RBM5: variants seen among roughly 807,000 people sequenced by gnomAD.
RBM5 encodes RNA binding motif protein 5.
RBM5 carries 15 observed loss-of-function variants against 124.6 expected under a neutral mutation model. That is an observed-to-expected ratio of 0.12 (90% CI 0.08 to 0.19). The LOEUF is 0.19. Among genes scored for constraint, RBM5 ranks in the 10% least tolerant of loss-of-function variants. RBM5 has a pLI of 1.00. For missense variants in RBM5, 580 were observed against 1,026.5 expected (o/e 0.57, Z 5.94); for synonymous variants, 337 against 361.2 (o/e 0.93, Z 0.76).
At chr3:50,108,832 T>C (rs2091088284) in intron 14 of RBM5, among the ~76,000 whole-genome samples, 1 of 152,214 alleles carries the variant, frequency 6.6e-6, no homozygotes, top group South Asian at 2.1e-4. Flanking sequence ...GACCATGTTG[T>C]GATGAGTTTA....
intron 9 of RBM5, 58 bp downstream of exon 9, chr3:50,105,200 A>G (rs897143542): frequency 3.6e-5 from 50 of 1,387,032 alleles, no homozygotes; most frequent in Non-Finnish European, 4.7e-5. Context: ...AGTTGTCAGG[A>G]GATGGAGACC....
chr3:50,109,501 A>C, intron 14 of RBM5, 102 bp from the exon 15 acceptor site: 1 of 896,240 alleles, frequency 1.1e-6, no homozygotes, highest in Non-Finnish European at 1.9e-6. Flanking sequence ...AAGAACTGAC[A>C]TATACAATGA....
chr3:50,097,129 C>T (rs2090832685), intron 4 of RBM5, among the ~76,000 whole-genome samples: 1 of 152,156 alleles, frequency 6.6e-6, no homozygotes. Context: ...GGTGCGGTGG[C>T]TCACGCCTGT....
Position 50,105,643 on chromosome 3 carries a change from C to T in RBM5, c.789C>T (p.Arg263=). ...CGTCTTTAGCTGTCAATAACATCCG[C>T]CTCATAAAAGACAAACAGACCCAGC... The part of the protein sequence containing the change: ...PYASLAVNNI[R]LIKDKQTQQN... The change falls in exon 10 of 25, where the codon CGC becomes CGT. Residue 263 remains arginine (R), a synonymous_variant. Coordinates refer to ENST00000347869, the MANE Select transcript of RBM5 (RefSeq NM_005778.4). The T allele has an allele frequency of 6.2e-7, 1 of 1,614,186 alleles. No individual in the cohort carries two copies. The highest frequency in any genetic ancestry group is 8.5e-7 in the Non-Finnish European group (1 of 1,180,028).
chr3:50,115,164 T>C (rs1373167056), intron 20 of RBM5: 1 of 381,526 alleles, frequency 2.6e-6, no homozygotes, highest in East Asian at 6.7e-5. Context: ...CGAGACTCCT[T>C]CTCCAAAGAA....
intron 16 of RBM5, 44 bp downstream of exon 16, chr3:50,110,507 G>A (rs751449264): frequency 6.4e-7 from 1 of 1,573,060 alleles, no homozygotes; most frequent in South Asian, 1.1e-5. Flanking sequence ...GAAGGTCTTA[G>A]TTGTTGTCTT....
chr3:50,099,253 C>CT (rs2090889666), intron 4 of RBM5, among the ~76,000 whole-genome samples: 1 of 134,788 alleles, frequency 7.4e-6, no homozygotes, highest in South Asian at 2.9e-4. Context: ...TAGGCCCTGT[C>CT]TCAAAAAAAA....
Position 50,117,144 on chromosome 3 carries a change from G to C in RBM5, c.2165G>C (p.Arg722Pro). The C allele has an allele frequency of 6.2e-7, 1 of 1,614,164 alleles. No homozygotes were observed. The highest frequency in any genetic ancestry group is 8.5e-7 in the Non-Finnish European group (1 of 1,180,030). The part of the protein sequence containing the change: ...YGIPEPPEPK[R>P]KKQFDAGTVN... ...ATTCCAGAACCTCCAGAGCCCAAGC[G>C]CAAGAAGCAGTTTGATGCCGGCACT... The change falls in exon 23 of 25, where the codon CGC becomes CCC. Residue 722 changes from arginine to proline, a missense_variant. Physicochemically the swap from Arg to Pro is moderately radical, Grantham distance 103. Around this residue, in one of 6 missense-constraint regions of RBM5, gnomAD observed 234 missense variants for 435.1 expected, o/e 0.54. Transcript: ENST00000347869. This position sits in a 1 kb window ranked among gnomAD's most constrained non-coding sequence, Gnocchi z 4.2.
chr3:50,106,285 C>A (rs981478544), intron 10 of RBM5, among the ~76,000 whole-genome samples: 1 of 151,852 alleles, frequency 6.6e-6, no homozygotes, highest in East Asian at 1.9e-4. Flanking sequence ...GGATTACAGG[C>A]GCTCACCACC....
At chr3:50,106,207 C>T (rs1384548310) in intron 10 of RBM5, among the ~76,000 whole-genome samples, 2 of 131,406 alleles carry the variant, frequency 1.5e-5, no homozygotes, top group Non-Finnish European at 3.1e-5. Flanking sequence ...GGTGTGATCT[C>T]GGCTCACTGC....
intron 8 of RBM5, 119 bp downstream of exon 8, chr3:50,104,427 C>A: frequency 2.1e-6 from 2 of 962,324 alleles, no homozygotes; most frequent in South Asian, 1.4e-5. Context: ...CACTTGAGGA[C>A]AGGAGTTCAA....
At chr3:50,115,718 T>C (rs2091236914) in intron 21 of RBM5, 111 bp downstream of exon 21, 2 of 1,334,274 alleles carry the variant, frequency 1.5e-6, no homozygotes, top group Non-Finnish European at 2.1e-6. Flanking sequence ...ATGATGGCCT[T>C]ACAGAAAGCT....
rs571044232 is a variant in RBM5, at chr3:50,091,960, GT to G, written c.18-82del. Reference sequence around the variant, plus strand: ...TTTGGATTATCTTATAAACTGATCTGTGGGCCGTGTGTATTTTTAACTATGT... The same window carrying G: ...TTTGGATTATCTTATAAACTGATCTGGGGCCGTGTGTATTTTTAACTATGT... On this transcript the variant is annotated intron_variant, in intron 2 of 24. Transcript: ENST00000347869. 4.0e-4 allele frequency: 559 copies of G among 1,409,870 alleles called. 2 individuals carry two copies. The African/African-American group carries it at 6.9e-3, about 17-fold the overall frequency. 87.3% of individuals were successfully genotyped at this position (1,409,870 alleles called of 1,614,324 possible). A position where few individuals can be genotyped will look rare whatever the true frequency, so the allele number is the denominator to read the frequency against.
rs528662490 is a variant in RBM5, at chr3:50,100,981, C to T, written c.483+376C>T. 10 of 166,086 alleles carry T rather than the reference C, an allele frequency of 6.0e-5. No individual in the cohort carries two copies. Among genetic ancestry groups the T allele is most frequent in the South Asian group, 4.0e-4 (2 of 5,022 alleles). 10.3% of individuals were successfully genotyped at this position (166,086 alleles called of 1,614,324 possible). On this transcript the variant is annotated intron_variant, in intron 6 of 24. Transcript: ENST00000347869. This position sits in a 1 kb window ranked among gnomAD's most constrained non-coding sequence, Gnocchi z 5.1. Reference sequence around the variant, plus strand: ...AAGAGAACATAGTGAAAGTCTGTGGCGGCATTTTTATAAGTAATTCCTTAT... The same window carrying T: ...AAGAGAACATAGTGAAAGTCTGTGGTGGCATTTTTATAAGTAATTCCTTAT...
chr3:50,113,138 G>A, intron 17 of RBM5: 1 of 301,656 alleles, frequency 3.3e-6, no homozygotes, highest in Non-Finnish European at 6.2e-6. Flanking sequence ...ACGGGCATGA[G>A]CCACTGCTCC....
At chr3:50,107,031 C>T (rs764001459) in intron 11 of RBM5, 167 bp downstream of exon 11, 2 of 713,964 alleles carry the variant, frequency 2.8e-6, no homozygotes, top group South Asian at 3.0e-5. Flanking sequence ...TTATTCCCTA[C>T]TGTCCTGTGT....
chr3:50,106,905 G>A (rs2091043713), intron 11 of RBM5, 41 bp downstream of exon 11: 1 of 1,458,836 alleles, frequency 6.9e-7, no homozygotes, highest in Non-Finnish European at 9.6e-7. Flanking sequence ...TACTGCATAT[G>A]CACATTTGTA....
At position 50,105,103 on chromosome 3, in the gene RBM5, A is replaced by G; in HGVS notation, c.655A>G (p.Thr219Ala). 1.3e-6 allele frequency: 2 copies of G among 1,596,722 alleles called. No homozygotes were observed. The highest frequency in any genetic ancestry group is 2.2e-5 in the East Asian group (1 of 44,648). ...FDSEQEVPPG[T>A]TESVQSVDYY... ...CTCTGAACAGGAAGTGCCTCCTGGAACCACAGAGTCGGTTCAGTCTGTGGA... is the reference window on the plus strand; with the variant it reads ...CTCTGAACAGGAAGTGCCTCCTGGAGCCACAGAGTCGGTTCAGTCTGTGGA... Residue 219 changes from threonine to alanine, a missense_variant, in exon 9 of 25, where the codon ACC becomes GCC. Thr to Ala is a moderately conservative substitution (Grantham distance 58). Coordinates refer to ENST00000347869, the MANE Select transcript of RBM5 (RefSeq NM_005778.4).
Position 50,096,023 on chromosome 3 carries a change from A to G in RBM5, c.339+2148A>G, listed in dbSNP as rs576131891. ...AAGTAATGAATGTGACAAATGTGAG[A>G]CAGGATATTAGAGTTAATAGTGGGT... On this transcript the variant is annotated intron_variant, in intron 4 of 24. Transcript: ENST00000347869. Among the ~76,000 whole-genome samples the G allele has an allele frequency of 2.6e-5, 4 of 152,300 alleles. No individual in the cohort carries two copies. The South Asian group carries it at 6.2e-4, about 24-fold the overall frequency.
Sources: gnomAD v4.1 joint callset for allele counts (sites outside exome capture counted in the v4.1 genomes callset) on GRCh38, gnomAD v4.1.1 for gene constraint, gnomAD v4.1.1 regional missense constraint, Gnocchi (gnomAD v3.1) non-coding constraint, MANE v1.5 for transcripts, NCBI Gene and HGNC (gene_info 2026-07-23, HGNC 2026-07-21) for gene names.